Variants in PKDREJ observed in about 807,000 individuals in gnomAD.
The protein encoded by PKDREJ is PKD and REJ homolog.
For synonymous variants in PKDREJ, 1,031 were observed against 1,095.5 expected (o/e 0.94, Z 1.16); for missense variants, 2,507 against 2,807.2 (o/e 0.89, Z 2.42).
rs745819785 is a variant in PKDREJ at position 46,262,237 on chromosome 22, C to A, written c.1086G>T (p.Ser362=). The A allele has an allele frequency of 6.2e-7, 1 of 1,614,162 alleles. No homozygotes were observed. The highest frequency in any genetic ancestry group is 1.7e-5 in the Admixed American group (1 of 60,018). The change falls in exon 1 of 1, where the codon TCG becomes TCT. Residue 362 remains serine, a synonymous_variant. Transcript: ENST00000253255. The surrounding 1 kb of genome is among the most constrained non-coding windows in gnomAD (Gnocchi z 8.1). ...EQLILDGSTS[S]DPDADSPLQG... is the part of the protein sequence containing the mutation. ...GTAACGGGCTGTCCGCATCTGGGTCCGAGGACGTGGACCCGTCCAGAATCA... is the reference window on the plus strand; with the variant it reads ...GTAACGGGCTGTCCGCATCTGGGTCAGAGGACGTGGACCCGTCCAGAATCA...
At position 46,261,892 on chromosome 22, in the gene PKDREJ, A is replaced by G. The variant is rs372714204; in HGVS notation, c.1431T>C (p.Ser477=). 1.4e-5 allele frequency: 23 copies of G among 1,613,998 alleles called. No homozygotes were observed. The highest frequency in any genetic ancestry group is 1.9e-5 in the Non-Finnish European group (22 of 1,180,032). Residue 477 remains serine, a synonymous_variant, in exon 1 of 1, where the codon TCT becomes TCC. Coordinates refer to ENST00000253255, the MANE Select transcript of PKDREJ (RefSeq NM_006071.2). The surrounding 1 kb of genome is among the most constrained non-coding windows in gnomAD (Gnocchi z 7.1). ...ERNFIVSDRF[S]LFLNCTNCAS... is the part of the protein sequence containing the mutation. ...CACAATTTGTGCAATTTAGGAACAA[A>G]GAAAATCTATCAGAGACAATGAAGT...
At position 46,263,312 on chromosome 22, in the gene PKDREJ, C is replaced by T. The variant is rs982286315; in HGVS notation, c.11G>A (p.Gly4Glu). 14 of 1,421,100 alleles carry T rather than the reference C, an allele frequency of 9.9e-6. No homozygotes were observed. The highest frequency in any genetic ancestry group is 1.4e-5 in the South Asian group (1 of 70,532). 88.0% of individuals were successfully genotyped at this position (1,421,100 alleles called of 1,614,324 possible). ...CACGCCCAGAAGGAGGAGAGCGGGC[C>T]CAGGCCTCATGGCGCCGGCCCAGGA... MRP[G>E]PALLLLGVGL... The change falls in exon 1 of 1, where the codon GGG becomes GAG. Residue 4 changes from glycine to glutamate, a missense_variant. Coordinates refer to ENST00000253255, the MANE Select transcript of PKDREJ (RefSeq NM_006071.2). This position sits in a 1 kb window ranked among gnomAD's most constrained non-coding sequence, Gnocchi z 9.4.
In PKDREJ at chr22:46,263,201, A is replaced by C; in HGVS notation, c.122T>G (p.Leu41Arg). The change falls in exon 1 of 1, where the codon CTC becomes CGC. Residue 41 changes from leucine to arginine, a missense_variant. Physicochemically the swap from Leu to Arg is moderately radical, Grantham distance 102. Coordinates refer to ENST00000253255, the MANE Select transcript of PKDREJ (RefSeq NM_006071.2). This position sits in a 1 kb window ranked among gnomAD's most constrained non-coding sequence, Gnocchi z 9.4. ...CCCGAGGCCCGGGGCGCCCCTGAGG[A>C]GGCCACCGGGCGCCCCGGAGACGGC... ...QAAVSGAPGG[L>R]LRGAPGLGVR... 5 of 1,333,284 alleles carry C rather than the reference A, an allele frequency of 3.8e-6. No homozygotes were observed. The highest frequency in any genetic ancestry group is 1.9e-6 in the Non-Finnish European group (2 of 1,044,018). The allele number at this position is 1,333,284 out of a possible 1,614,324, so 82.6% of individuals were successfully genotyped here.
At position 46,262,917 on chromosome 22, in the gene PKDREJ, G is replaced by C; in HGVS notation, c.406C>G (p.Pro136Ala). Residue 136 changes from proline (P) to alanine (A), a missense_variant, in exon 1 of 1, where the codon CCC (proline) becomes GCC (alanine). By Grantham distance (27) the Pro-to-Ala change is conservative. Coordinates refer to ENST00000253255, the MANE Select transcript of PKDREJ (RefSeq NM_006071.2). This position sits in a 1 kb window ranked among gnomAD's most constrained non-coding sequence, Gnocchi z 8.1. The stretch of plus-strand genomic sequence containing the variant: ...CGGAAGGCCCAGGCCAGGCGCCCGG[G>C]CGAGCGCGGCAGCCGCACGGACCAC... The part of the protein sequence containing the change: ...LTWSVRLPRS[P>A]GRLAWAFRLR... The C allele has an allele frequency of 9.3e-7, 1 of 1,074,272 alleles. No homozygotes were observed. Among genetic ancestry groups the C allele is most frequent in the Non-Finnish European group, 1.1e-6 (1 of 888,660 alleles). 66.5% of individuals were successfully genotyped at this position (1,074,272 alleles called of 1,614,324 possible). A position where few individuals can be genotyped will look rare whatever the true frequency, so the allele number is the denominator to read the frequency against.
chr22:46,262,297 G>A lies in PKDREJ; in HGVS notation c.1026C>T (p.Gly342=). Residue 342 remains glycine (G), a synonymous_variant, in exon 1 of 1, where the codon GGC becomes GGT. Transcript: ENST00000253255. The surrounding 1 kb of genome is among the most constrained non-coding windows in gnomAD (Gnocchi z 8.1). ...VRSSLQAVML[G]DANITANFTE... ...TGAAATTAGCTGTTATGTTGGCATC[G>A]CCAAGCATCACCGCCTGCAGGGAAC... 2 of 1,614,170 alleles carry A rather than the reference G, an allele frequency of 1.2e-6. No homozygotes were observed. The highest frequency in any genetic ancestry group is 1.7e-6 in the Non-Finnish European group (2 of 1,180,040).
Position 46,261,516 on chromosome 22 carries a change from A to G in PKDREJ, c.1807T>C (p.Leu603=). Residue 603 remains leucine, a synonymous_variant, in exon 1 of 1, where the codon TTG becomes CTG. Coordinates refer to ENST00000253255, the MANE Select transcript of PKDREJ (RefSeq NM_006071.2). The surrounding 1 kb of genome is among the most constrained non-coding windows in gnomAD (Gnocchi z 7.1). ...PLTYKIIVSD[L]HSVGEISSVK... ...GAACTGATTTCACCAACACTGTGCAAATCAGAAACAATTATTTTATATGTA... is the reference window on the plus strand; with the variant it reads ...GAACTGATTTCACCAACACTGTGCAGATCAGAAACAATTATTTTATATGTA... 1 of 1,614,198 alleles carries G rather than the reference A, an allele frequency of 6.2e-7. No homozygotes were observed. Among genetic ancestry groups the G allele is most frequent in the Non-Finnish European group, 8.5e-7 (1 of 1,180,024 alleles).
In PKDREJ at chr22:46,257,285, ATCAACACAG is replaced by A. The variant is rs1936643134; in HGVS notation, c.6029_6037del (p.Thr2010_Leu2012del). ...GAAATGTTTCCTGAGAAAGAGCACA[ATCAACACAG>A]TAAATATGCACTTTAAAGCAAAGTT... On this transcript the variant is annotated inframe_deletion, in exon 1 of 1. Coordinates refer to ENST00000253255, the MANE Select transcript of PKDREJ (RefSeq NM_006071.2). This position sits in a 1 kb window ranked among gnomAD's most constrained non-coding sequence, Gnocchi z 4.7. The A allele has an allele frequency of 6.2e-7, 1 of 1,613,998 alleles. No individual in the cohort carries two copies. The highest frequency in any genetic ancestry group is 1.3e-5 in the African/African-American group (1 of 74,948).
rs564738471 is a variant in PKDREJ, at chr22:46,256,413, T to C, written c.*148A>G. The C allele has an allele frequency of 7.7e-5, 105 of 1,371,624 alleles. 2 individuals carry two copies. The African/African-American group carries it at 1.4e-3, about 18-fold the overall frequency. 85.0% of individuals were successfully genotyped at this position (1,371,624 alleles called of 1,614,324 possible). On this transcript the variant is annotated 3_prime_UTR_variant, in exon 1 of 1. Transcript: ENST00000253255. This position sits in a 1 kb window ranked among gnomAD's most constrained non-coding sequence, Gnocchi z 5.3. ...CACTCCCAAGAGCAGAGGACAAGATTGGGGATTCTTCCAAATGTAGGGGAT... is the reference window on the plus strand; with the variant it reads ...CACTCCCAAGAGCAGAGGACAAGATCGGGGATTCTTCCAAATGTAGGGGAT...
chr22:46,259,024 A>G lies in PKDREJ; in HGVS notation c.4299T>C (p.Ser1433=), dbSNP rs1936665177. Residue 1433 remains serine (S), a synonymous_variant, in exon 1 of 1, where the codon AGT becomes AGC. Coordinates refer to ENST00000253255, the MANE Select transcript of PKDREJ (RefSeq NM_006071.2). The surrounding 1 kb of genome is among the most constrained non-coding windows in gnomAD (Gnocchi z 6.8). ...YMRSMMIGIE[S]VLITIPVQLL... is the part of the protein sequence containing the mutation. ...ATTGCACAGGGATTGTAATTAAGACACTTTCAATTCCTATCATCATTGATC... is the reference window on the plus strand; with the variant it reads ...ATTGCACAGGGATTGTAATTAAGACGCTTTCAATTCCTATCATCATTGATC... 2 of 1,613,898 alleles carry G rather than the reference A, an allele frequency of 1.2e-6. No individual in the cohort carries two copies. Among genetic ancestry groups the G allele is most frequent in the Admixed American group, 3.3e-5 (2 of 60,002 alleles).
rs1190269334 is a variant in PKDREJ at position 46,260,429 on chromosome 22, T to G, written c.2894A>C (p.Asn965Thr). Residue 965 changes from asparagine to threonine, a missense_variant, in exon 1 of 1, where the codon AAT (asparagine) becomes ACT (threonine). Physicochemically the swap from Asn to Thr is moderately conservative, Grantham distance 65. Transcript: ENST00000253255. This position sits in a 1 kb window ranked among gnomAD's most constrained non-coding sequence, Gnocchi z 4.5. ...VRKNLTFAAF[N>T]LTVGPNSEVD... ...CTCGCTGTTGGGTCCCACTGTGAGA[T>G]TAAAAGCTGCAAAGGTCAAGTTTTT... 6 of 1,614,186 alleles carry G rather than the reference T, an allele frequency of 3.7e-6. No homozygotes were observed. The highest frequency in any genetic ancestry group is 5.1e-6 in the Non-Finnish European group (6 of 1,180,040).
rs1485983739 is a variant in PKDREJ, at chr22:46,257,769, T to C, written c.5554A>G (p.Ser1852Gly). The part of the protein sequence containing the change: ...NEVDKQAIDE[S>G]TNGFTYKPQG... ...GGCTTATAAGTAAATCCATTGGTACTCTCATCTATAGCCTGCTTATCAACT... is the reference window on the plus strand; with the variant it reads ...GGCTTATAAGTAAATCCATTGGTACCCTCATCTATAGCCTGCTTATCAACT... Residue 1852 changes from serine to glycine, a missense_variant, in exon 1 of 1, where the codon AGT (serine) becomes GGT (glycine). Transcript: ENST00000253255. The surrounding 1 kb of genome is among the most constrained non-coding windows in gnomAD (Gnocchi z 4.7). 4 of 1,614,022 alleles carry C rather than the reference T, an allele frequency of 2.5e-6. No individual in the cohort carries two copies. In the African/African-American group the frequency reaches 4.0e-5, roughly 16 times the overall value.
At position 46,259,636 on chromosome 22, in the gene PKDREJ, A is replaced by G. The variant is rs1444542301; in HGVS notation, c.3687T>C (p.Asn1229=). 3.1e-6 allele frequency: 5 copies of G among 1,614,082 alleles called. No individual in the cohort carries two copies. The highest frequency in any genetic ancestry group is 4.2e-6 in the Non-Finnish European group (5 of 1,180,040). Residue 1229 remains asparagine (N), a synonymous_variant, in exon 1 of 1, where the codon AAT becomes AAC. Coordinates refer to ENST00000253255, the MANE Select transcript of PKDREJ (RefSeq NM_006071.2). The surrounding 1 kb of genome is among the most constrained non-coding windows in gnomAD (Gnocchi z 6.8). ...TAAAAATAGTCACCAAGTAGCATAA[A>G]TTATCATAAGGATCATTATCTGGTA... ...IVLPDNDPYD[N]LCYLVTIFTG... is the part of the protein sequence containing the mutation.
Position 46,256,417 on chromosome 22 carries a change from G to A in PKDREJ, c.*144C>T. 1 of 1,397,836 alleles carries A rather than the reference G, an allele frequency of 7.2e-7. No homozygotes were observed. The highest frequency in any genetic ancestry group is 9.6e-7 in the Non-Finnish European group (1 of 1,043,034). 86.6% of individuals were successfully genotyped at this position (1,397,836 alleles called of 1,614,324 possible). ...CCCAAGAGCAGAGGACAAGATTGGG[G>A]ATTCTTCCAAATGTAGGGGATGTGC... is the stretch of plus-strand genomic sequence containing the variant. On this transcript the variant is annotated 3_prime_UTR_variant, in exon 1 of 1. Transcript: ENST00000253255. This position sits in a 1 kb window ranked among gnomAD's most constrained non-coding sequence, Gnocchi z 5.3.
chr22:46,263,008 CG>C lies in PKDREJ; in HGVS notation c.314del (p.Pro105ArgfsTer22). 7.9e-7 allele frequency: 1 copy of C among 1,259,764 alleles called. No individual in the cohort carries two copies. Among genetic ancestry groups the C allele is most frequent in the Non-Finnish European group, 1.0e-6 (1 of 995,360 alleles). The allele number at this position is 1,259,764 out of a possible 1,614,324, so 78.0% of individuals were successfully genotyped here. A position where few individuals can be genotyped will look rare whatever the true frequency, so the allele number is the denominator to read the frequency against. ...VLLSAQRLPW[P>X]AAPALALVDL... ...CGACGAGCGCGAGCGCGGGCGCGGC[CG>C]GCCAGGGCAGGCGTTGGGCGCTGAG... On this transcript the variant is annotated frameshift_variant, in exon 1 of 1. Transcript: ENST00000253255. LOFTEE classifies it low-confidence loss of function (END_TRUNC). This position sits in a 1 kb window ranked among gnomAD's most constrained non-coding sequence, Gnocchi z 9.4.
chr22:46,263,087 A>G lies in PKDREJ; in HGVS notation c.236T>C (p.Phe79Ser), dbSNP rs1443966690. 9.9e-6 allele frequency: 13 copies of G among 1,317,350 alleles called. No individual in the cohort carries two copies. The East Asian group carries it at 1.1e-4, about 11-fold the overall frequency. 81.6% of individuals were successfully genotyped at this position (1,317,350 alleles called of 1,614,324 possible). A position where few individuals can be genotyped will look rare whatever the true frequency, so the allele number is the denominator to read the frequency against. ...AVLSGRGSLCFPHGGTGRRWY... is the reference protein window; with the variant it reads ...AVLSGRGSLCSPHGGTGRRWY... ...GCGCCGCCCGGTCCCGCCATGGGGGAAGCAGAGGCTGCCGCGGCCGCTCAG... is the reference window on the plus strand; with the variant it reads ...GCGCCGCCCGGTCCCGCCATGGGGGGAGCAGAGGCTGCCGCGGCCGCTCAG... Residue 79 changes from phenylalanine to serine, a missense_variant, in exon 1 of 1, where the codon TTC (phenylalanine) becomes TCC (serine). Physicochemically the swap from Phe to Ser is radical, Grantham distance 155. Coordinates refer to ENST00000253255, the MANE Select transcript of PKDREJ (RefSeq NM_006071.2). The surrounding 1 kb of genome is among the most constrained non-coding windows in gnomAD (Gnocchi z 9.4).
In PKDREJ at chr22:46,256,892, T is replaced by C. The variant is rs2147773324; in HGVS notation, c.6431A>G (p.Asn2144Ser). 1.9e-6 allele frequency: 3 copies of C among 1,614,050 alleles called. No individual in the cohort carries two copies. In the South Asian group the frequency reaches 3.3e-5, roughly 18 times the overall value. ...GAGGAACAGGACCCCCAGAATCCTG[T>C]TATTGGAAAATTCAGTGTTCTGGAA... is the stretch of plus-strand genomic sequence containing the variant. ...SAFQNTEFSN[N>S]RILGVLFLSS... The change falls in exon 1 of 1, where the codon AAC becomes AGC. Residue 2144 changes from asparagine to serine, a missense_variant. Physicochemically the swap from Asn to Ser is conservative, Grantham distance 46. Coordinates refer to ENST00000253255, the MANE Select transcript of PKDREJ (RefSeq NM_006071.2). This position sits in a 1 kb window ranked among gnomAD's most constrained non-coding sequence, Gnocchi z 5.3.
rs1936668763 is a variant in PKDREJ at position 46,259,311 on chromosome 22, T to G, written c.4012A>C (p.Thr1338Pro). The G allele has an allele frequency of 6.2e-7, 1 of 1,614,174 alleles. No homozygotes were observed. The change falls in exon 1 of 1, where the codon ACT becomes CCT. Residue 1338 changes from threonine (T) to proline (P), a missense_variant. Thr to Pro is a conservative substitution (Grantham distance 38, BLOSUM62 -1). Transcript: ENST00000253255. This position sits in a 1 kb window ranked among gnomAD's most constrained non-coding sequence, Gnocchi z 6.8. ...GTAACGTGAAATGTTCTGTCCAAAGTGGTATCAACAGAAAGCCATTTCTGG... is the reference window on the plus strand; with the variant it reads ...GTAACGTGAAATGTTCTGTCCAAAGGGGTATCAACAGAAAGCCATTTCTGG... The part of the protein sequence containing the change: ...ICQKWLSVDT[T>P]LDRTFHVTHP...
rs1326423785 is a variant in PKDREJ at position 46,258,185 on chromosome 22, T to C, written c.5138A>G (p.Tyr1713Cys). 1.9e-6 allele frequency: 3 copies of C among 1,614,226 alleles called. No individual in the cohort carries two copies. Among genetic ancestry groups the C allele is most frequent in the African/African-American group, 1.3e-5 (1 of 75,066 alleles). The change falls in exon 1 of 1, where the codon TAC becomes TGC. Residue 1713 changes from tyrosine (Y) to cysteine (C), a missense_variant. By Grantham distance (194) the Tyr-to-Cys change is radical (BLOSUM62 -2). Transcript: ENST00000253255. The surrounding 1 kb of genome is among the most constrained non-coding windows in gnomAD (Gnocchi z 6.1). Reference protein sequence around the residue: ...IKRRALLFLSYILTHFIFLAL... With the variant: ...IKRRALLFLSCILTHFIFLAL... ...TAGAAAGATAAAGTGAGTTAGAATG[T>C]AACTCAGAAACAGGAGTGCTCTTCT...
chr22:46,258,072 G>C lies in PKDREJ; in HGVS notation c.5251C>G (p.Leu1751Val), dbSNP rs1936652687. Residue 1751 changes from leucine (L) to valine (V), a missense_variant, in exon 1 of 1, where the codon CTT (leucine) becomes GTT (valine). Leu to Val is a conservative substitution (Grantham distance 32). Coordinates refer to ENST00000253255, the MANE Select transcript of PKDREJ (RefSeq NM_006071.2). The surrounding 1 kb of genome is among the most constrained non-coding windows in gnomAD (Gnocchi z 6.1). ...TCTTCCAGCTTAGTCACAGTAGCAAGATCCATAGAGAACCGATCACGAATA... is the reference window on the plus strand; with the variant it reads ...TCTTCCAGCTTAGTCACAGTAGCAACATCCATAGAGAACCGATCACGAATA... ...QFIRDRFSMD[L>V]ATVTKLEDIY... is the part of the protein sequence containing the mutation. The C allele has an allele frequency of 6.2e-7, 1 of 1,613,972 alleles. No homozygotes were observed. Among genetic ancestry groups the C allele is most frequent in the Non-Finnish European group, 8.5e-7 (1 of 1,180,048 alleles).
Sources: gnomAD v4.1 joint callset for allele counts on GRCh38, gnomAD v4.1.1 for gene constraint, Gnocchi (gnomAD v3.1) non-coding constraint, MANE v1.5 for transcripts, NCBI Gene and HGNC (gene_info 2026-07-23, HGNC 2026-07-21) for gene names.